The following AGAP3 variants were observed in gnomAD, a reference collection of about 807,000 sequenced individuals.
AGAP3 encodes arf-GAP with GTPase, ANK repeat and PH domain-containing protein 3.
Under a neutral mutation model 96.9 loss-of-function variants are expected in AGAP3, and 24 were observed. The ratio of observed to expected loss-of-function variants is 0.25; its 90% CI spans 0.18 to 0.35. The LOEUF (loss-of-function observed/expected upper bound fraction) is 0.35. Among genes scored for constraint, AGAP3 ranks in the 10% least tolerant of loss-of-function variants. AGAP3 has a pLI of 1.00. For synonymous variants in AGAP3, 563 were observed against 536.1 expected, an observed-to-expected ratio of 1.05 and a Z score of -0.69; for missense variants, 876 against 1,254.2, an observed-to-expected ratio of 0.70 and a Z score of 4.55.
At chr7:151,126,084 C>CGGT (rs1400880095) in intron 9 of AGAP3, among the ~76,000 whole-genome samples, 5 of 146,394 alleles carry the variant, frequency 3.4e-5, no homozygotes, top group Non-Finnish European at 7.6e-5. Context: ...CTGAGCGGCC[C>CGGT]GGTCGTTCCG....
intron 1 of AGAP3, among the ~76,000 whole-genome samples, chr7:151,105,281 A>G (rs1798997641): frequency 6.6e-6 from 1 of 152,214 alleles, no homozygotes; most frequent in Admixed American, 6.5e-5. Flanking sequence ...CATTTCAGAA[A>G]ACAGGGTGAT....
chr7:151,131,364 T>C (rs1248021579), intron 10 of AGAP3: 1 of 152,254 alleles, frequency 6.6e-6, no homozygotes, highest in African/African-American at 2.4e-5. Context: ...TCTGAACTCG[T>C]TGTTAATTCC....
At chr7:151,088,633 C>T (rs1225889423) in intron 1 of AGAP3, among the ~76,000 whole-genome samples, 1 of 152,224 alleles carries the variant, frequency 6.6e-6, no homozygotes, top group Admixed American at 6.5e-5. Flanking sequence ...GCCTCGTGGG[C>T]CGGCCACAGG....
intron 12 of AGAP3, among the ~76,000 whole-genome samples, chr7:151,138,728 T>A (rs915120528): frequency 6.6e-6 from 1 of 152,184 alleles, no homozygotes; most frequent in Non-Finnish European, 1.5e-5. Flanking sequence ...GGGAAGCGGC[T>A]GAGTAGGGAG....
chr7:151,105,792 C>CCACACACACACACACACACACACA (rs60071807), intron 1 of AGAP3, among the ~76,000 whole-genome samples: 36 of 26,916 alleles, frequency 1.3e-3, no homozygotes, highest in African/African-American at 3.7e-3. Flanking sequence ...CCCCCCGACA[C>CCACACACACACACACACACACACA]CACACACACA....
rs375323736 is a variant in AGAP3, at chr7:151,120,344, A to G, written c.1128+199A>G. Among the ~76,000 whole-genome samples, 10 of 152,298 alleles carry G rather than the reference A, an allele frequency of 6.6e-5. No individual in the cohort carries two copies. In the South Asian group the frequency reaches 1.0e-3, roughly 16 times the overall value. ...TTCCAGACTGTTCTCTGCACCCACA[A>G]GGGGTTTCCAGTAGCGGCCCTTACC... is the stretch of plus-strand genomic sequence containing the variant. On this transcript the variant is annotated intron_variant, in intron 8 of 17. Transcript: ENST00000397238.
intron 8 of AGAP3, among the ~76,000 whole-genome samples, chr7:151,122,380 G>A (rs927215176): frequency 2.6e-5 from 4 of 152,222 alleles, no homozygotes. Flanking sequence ...CCCTCGCTGT[G>A]CCCTTGGCTC....
Position 151,134,566 on chromosome 7 carries a change from C to G in AGAP3, c.1493C>G (p.Thr498Arg). 1 of 1,605,644 alleles carries G rather than the reference C, an allele frequency of 6.2e-7. No homozygotes were observed. Among genetic ancestry groups the G allele is most frequent in the Non-Finnish European group, 8.5e-7 (1 of 1,175,144 alleles). Residue 498 changes from threonine to arginine, a missense_variant and splice_region_variant, in exon 11 of 18, where the codon ACA becomes AGA. This residue lies in a region of AGAP3 where 155 missense variants were observed against 144.4 expected (regional missense o/e 1.07). Transcript: ENST00000397238. Reference sequence around the variant, plus strand: ...AGTAACACACAGCTGGGTGGGGGCACAGGTGAGGCGGCTGCTGAGGTGGGG... The same window carrying G: ...AGTAACACACAGCTGGGTGGGGGCAGAGGTGAGGCGGCTGCTGAGGTGGGG... The part of the protein sequence containing the change: ...ERSNTQLGGG[T>R]GAPHSASSAS...
chr7:151,133,571 A>G lies in AGAP3; in HGVS notation c.1327-829A>G, dbSNP rs1157339105. 6.6e-6 allele frequency among the ~76,000 whole-genome samples: 1 copy of G among 152,166 alleles called. No individual in the cohort carries two copies. Among genetic ancestry groups the G allele is most frequent in the African/African-American group, 2.4e-5 (1 of 41,432 alleles). On this transcript the variant is annotated intron_variant, in intron 10 of 17. Coordinates refer to ENST00000397238, the MANE Select transcript of AGAP3 (RefSeq NM_031946.7). The surrounding 1 kb of genome is among the most constrained non-coding windows in gnomAD (Gnocchi z 5.4). ...GACAGGCTGGAGGAAGCCTGCACAC[A>G]GGGCACAGGCTTGGGAATCTGAAAA...
At chr7:151,117,233 T>C in intron 3 of AGAP3, 51 bp downstream of exon 3, 1 of 1,586,666 alleles carries the variant, frequency 6.3e-7, no homozygotes. Flanking sequence ...CTCCTCCAGC[T>C]CCTGCCCACA....
At chr7:151,120,629 G>A (rs779212461) in intron 8 of AGAP3, 23 of 1,291,988 alleles carry the variant, frequency 1.8e-5, no homozygotes, top group Admixed American at 6.9e-5. Context: ...CTCTTTTTCC[G>A]TTACCCCACT....
At chr7:151,125,572 G>C (rs6464131) in intron 9 of AGAP3, among the ~76,000 whole-genome samples, 144,956 of 152,322 alleles carry the variant, frequency 0.95, 69,057 homozygotes, top group East Asian at 1. Context: ...GGTGCCCGCT[G>C]CTTCCCGTTC....
intron 1 of AGAP3, among the ~76,000 whole-genome samples, chr7:151,103,753 T>C (rs1798925392): frequency 6.6e-6 from 1 of 152,240 alleles, no homozygotes; most frequent in Non-Finnish European, 1.5e-5. Flanking sequence ...AGAGCTTTTT[T>C]TGTTTTCCTA....
chr7:151,123,939 G>A lies in AGAP3; in HGVS notation c.1221+53G>A, dbSNP rs1800044428. On this transcript the variant is annotated intron_variant, in intron 9 of 17. Transcript: ENST00000397238. ...AGGGCTCAGAATGAGGCCCAGGAAT[G>A]TGGCGCTTCCCAGGGCCTCTTCTCA... is the stretch of plus-strand genomic sequence containing the variant. 3 of 1,560,108 alleles carry A rather than the reference G, an allele frequency of 1.9e-6. No individual in the cohort carries two copies. In the African/African-American group the frequency reaches 4.1e-5, roughly 21 times the overall value.
At chr7:151,104,073 C>T (rs985828692) in intron 1 of AGAP3, among the ~76,000 whole-genome samples, 16 of 152,140 alleles carry the variant, frequency 1.1e-4, no homozygotes, top group African/African-American at 3.6e-4. Context: ...AGTAAGTAGT[C>T]TGTAGGGGTG....
At chr7:151,128,534 A>G (rs375826851) in intron 9 of AGAP3, 46 bp from the exon 10 acceptor site, 18 of 1,548,820 alleles carry the variant, frequency 1.2e-5, no homozygotes, top group Non-Finnish European at 1.6e-5. Flanking sequence ...ATGCCCTATG[A>G]CCTAGGGGGC....
At chr7:151,093,656 A>G (rs1798485259) in intron 1 of AGAP3, among the ~76,000 whole-genome samples, 1 of 152,154 alleles carries the variant, frequency 6.6e-6, no homozygotes, top group Non-Finnish European at 1.5e-5. Flanking sequence ...AGGCTTTCGC[A>G]GCAAACGTGG....
chr7:151,103,138 C>T (rs369115227), intron 1 of AGAP3, among the ~76,000 whole-genome samples: 3 of 152,240 alleles, frequency 2.0e-5, no homozygotes, highest in Admixed American at 6.5e-5. Context: ...GTGCCCTTCT[C>T]GTATTCCTGC....
chr7:151,093,103 CAT>C (rs1333365576), intron 1 of AGAP3, among the ~76,000 whole-genome samples: 3 of 152,118 alleles, frequency 2.0e-5, no homozygotes, highest in Non-Finnish European at 4.4e-5. Context: ...GCTCAAGAAA[CAT>C]ATATATGTAT....
Sources: allele counts gnomAD v4.1 joint callset (sites outside exome capture counted in the v4.1 genomes callset), GRCh38; gene constraint gnomAD v4.1.1; regional missense constraint gnomAD v4.1.1; non-coding constraint Gnocchi (gnomAD v3.1); transcripts MANE v1.5; gene names NCBI Gene and HGNC (gene_info 2026-07-23, HGNC 2026-07-21).